Variants in BNC2 observed in about 807,000 individuals in gnomAD.
The protein encoded by BNC2 is zinc finger protein basonuclin-2.
BNC2 carries 20 observed loss-of-function variants against 76.3 expected under a neutral mutation model. That is an observed-to-expected ratio of 0.26 (90% confidence interval 0.18 to 0.38). The LOEUF is 0.38. Among genes scored for constraint, BNC2 ranks in the 10% least tolerant of loss-of-function variants. The probability of loss-of-function intolerance (pLI) is 1.00; values close to 1 mark genes in which losing one functional copy is unlikely to be tolerated. For missense variants in BNC2, 1,382 were observed against 1,399.8 expected, an observed-to-expected ratio of 0.99 and a Z score of 0.20; for synonymous variants, 582 against 514.8, an observed-to-expected ratio of 1.13 and a Z score of -1.77.
chr9:16,493,114 C>CGAAATAGG, intron 5 of BNC2, among the ~76,000 whole-genome samples: 1 of 152,106 alleles, frequency 6.6e-6, no homozygotes, highest in Non-Finnish European at 1.5e-5. Context: ...ACTTTGTTTT[C>CGAAATAGG]ACGTAAGTCC....
At chr9:16,506,222 G>C (rs1354581680) in intron 5 of BNC2, among the ~76,000 whole-genome samples, 1 of 152,126 alleles carries the variant, frequency 6.6e-6, no homozygotes, top group Non-Finnish European at 1.5e-5. Context: ...GGCATAACAA[G>C]TTTTTAGAAA....
At chr9:16,740,048 G>C (rs1338338274) in intron 1 of BNC2, among the ~76,000 whole-genome samples, 3 of 152,198 alleles carry the variant, frequency 2.0e-5, no homozygotes, top group Non-Finnish European at 4.4e-5. Context: ...TAGTATCTCA[G>C]GGGATATCCA....
At chr9:16,757,874 G>A (rs1242291585) in intron 1 of BNC2, among the ~76,000 whole-genome samples, 3 of 152,158 alleles carry the variant, frequency 2.0e-5, no homozygotes, top group Non-Finnish European at 4.4e-5. Context: ...AGTATTTAGA[G>A]AGTTTGGTGA....
intron 1 of BNC2, among the ~76,000 whole-genome samples, chr9:16,761,183 G>C (rs1389625925): frequency 1.3e-5 from 2 of 152,166 alleles, no homozygotes; most frequent in East Asian, 1.9e-4. Flanking sequence ...GGGAGGTTAA[G>C]GTTGCAGTGA....
intron 1 of BNC2, among the ~76,000 whole-genome samples, chr9:16,773,515 A>AG (rs1825883600): frequency 7.1e-6 from 1 of 141,578 alleles, no homozygotes; most frequent in South Asian, 2.2e-4. Flanking sequence ...GCAATCAGAA[A>AG]AAAAAAAAAA....
intron 5 of BNC2, among the ~76,000 whole-genome samples, chr9:16,498,373 A>G (rs184541756): frequency 6.6e-6 from 1 of 151,040 alleles, no homozygotes; most frequent in East Asian, 1.9e-4. Context: ...GCAGTGACCT[A>G]GATGAGATTG....
intron 3 of BNC2, among the ~76,000 whole-genome samples, chr9:16,590,263 G>T (rs1184599294): frequency 1.3e-5 from 2 of 151,994 alleles, no homozygotes; most frequent in Admixed American, 6.5e-5. Flanking sequence ...CACAATCTTG[G>T]CTCGCTGCAA....
chr9:16,461,230 T>C (rs74525146), intron 5 of BNC2, among the ~76,000 whole-genome samples: 4 of 152,148 alleles, frequency 2.6e-5, no homozygotes, highest in Admixed American at 1.3e-4. Context: ...AAAATGATCA[T>C]TTTATATCCC....
At chr9:16,718,924 T>G (rs1824067592) in intron 3 of BNC2, among the ~76,000 whole-genome samples, 1 of 152,300 alleles carries the variant, frequency 6.6e-6, no homozygotes, top group Non-Finnish European at 1.5e-5. Flanking sequence ...TACCATAATG[T>G]GGCAATATGG....
chr9:16,692,771 A>G (rs768509451), intron 3 of BNC2, among the ~76,000 whole-genome samples: 27 of 152,148 alleles, frequency 1.8e-4, no homozygotes, highest in Non-Finnish European at 3.4e-4. Context: ...AAGGCTTCCT[A>G]GAGTGATGCT....
chr9:16,870,612 G>C (rs1819659822), intron 1 of BNC2, 34 bp downstream of exon 1: 2 of 1,609,348 alleles, frequency 1.2e-6, no homozygotes, highest in Admixed American at 1.7e-5. Flanking sequence ...AGGAAGTCTA[G>C]AATAAAAGAG....
intron 3 of BNC2, among the ~76,000 whole-genome samples, chr9:16,643,280 T>C (rs1821539235): frequency 6.9e-6 from 1 of 144,480 alleles, no homozygotes; most frequent in East Asian, 2.0e-4. Flanking sequence ...CACTCCAGCC[T>C]GGGTGAAAGA....
At chr9:16,496,239 CAAAA>C (rs1822387326) in intron 5 of BNC2, among the ~76,000 whole-genome samples, 1 of 151,966 alleles carries the variant, frequency 6.6e-6, no homozygotes, top group Non-Finnish European at 1.5e-5. Flanking sequence ...AACAAAAAAA[CAAAA>C]CAAAACAAAA....
rs1049312205 is a variant in BNC2 at position 16,428,222 on chromosome 9, A to T, written c.2639+7333T>A. Among the ~76,000 whole-genome samples, 3 of 152,188 alleles carry T rather than the reference A, an allele frequency of 2.0e-5. No individual in the cohort carries two copies. In the South Asian group the frequency reaches 6.2e-4, roughly 32 times the overall value. On this transcript the variant is annotated intron_variant, in intron 6 of 6. Transcript: ENST00000380672. ...GACTGACTGAGCCAATTGCTTTAGAAGTCTGTAAAACACAATTACGAGTGA... is the reference window on the plus strand; with the variant it reads ...GACTGACTGAGCCAATTGCTTTAGATGTCTGTAAAACACAATTACGAGTGA...
chr9:16,649,456 A>G (rs965283343), intron 3 of BNC2, among the ~76,000 whole-genome samples: 3 of 152,190 alleles, frequency 2.0e-5, no homozygotes, highest in Non-Finnish European at 2.9e-5. Flanking sequence ...TTTCTTATGA[A>G]CTATCACTAA....
chr9:16,636,698 A>G (rs933438490), intron 3 of BNC2, among the ~76,000 whole-genome samples: 7 of 152,188 alleles, frequency 4.6e-5, no homozygotes, highest in Non-Finnish European at 1.0e-4. Flanking sequence ...AAGAACAACA[A>G]GAAAATACCT....
intron 5 of BNC2, among the ~76,000 whole-genome samples, chr9:16,462,103 T>C (rs774320543): frequency 4.6e-5 from 7 of 152,212 alleles, no homozygotes; most frequent in African/African-American, 1.7e-4. Context: ...GGCAAGTCTA[T>C]GGATTGCTTT....
intron 5 of BNC2, among the ~76,000 whole-genome samples, chr9:16,489,825 A>G (rs999114451): frequency 6.6e-6 from 1 of 152,200 alleles, no homozygotes; most frequent in African/African-American, 2.4e-5. Flanking sequence ...ACTCAAAAGA[A>G]TGTTAACAAA....
At chr9:16,521,909 G>A (rs1231117040) in intron 5 of BNC2, among the ~76,000 whole-genome samples, 1 of 152,066 alleles carries the variant, frequency 6.6e-6, no homozygotes, top group Admixed American at 6.6e-5. Context: ...AATGTTCTTG[G>A]AAAAAATTAA....
Sources: allele counts gnomAD v4.1 joint callset (sites outside exome capture counted in the v4.1 genomes callset), GRCh38; gene constraint gnomAD v4.1.1; transcripts MANE v1.5; gene names NCBI Gene and HGNC (gene_info 2026-07-23, HGNC 2026-07-21).